The following SCGB2B2 variants were observed in gnomAD, a reference collection of about 807,000 sequenced individuals.
SCGB2B2 encodes the protein secretoglobin-like protein.
In SCGB2B2, 11 loss-of-function variants were observed where a neutral mutation model predicts 7.6. The ratio of observed to expected loss-of-function variants is 1.45; its 90% CI spans 0.91 to 2.40. The LOEUF (loss-of-function observed/expected upper bound fraction) is 2.40, where lower values mean the gene tolerates loss of function less well. Ranked by LOEUF, SCGB2B2 falls within the 30% of genes most tolerant of loss-of-function variation. The pLI is 0.00. For synonymous variants in SCGB2B2, 50 were observed against 48.6 expected, an observed-to-expected ratio of 1.03 and a Z score of -0.12; for missense variants, 104 against 115.4, an observed-to-expected ratio of 0.90 and a Z score of 0.45.
intron 1 of SCGB2B2, among the ~76,000 whole-genome samples, chr19:34,617,828 T>C (rs936576468): frequency 3.3e-5 from 5 of 152,232 alleles, no homozygotes; most frequent in East Asian, 3.8e-4. Context: ...GGGTTTGTCA[T>C]AGATAGCTCT....
intron 1 of SCGB2B2, among the ~76,000 whole-genome samples, chr19:34,618,154 T>TC (rs1168183966): frequency 1.3e-5 from 2 of 152,170 alleles, no homozygotes; most frequent in Non-Finnish European, 2.9e-5. Flanking sequence ...TCTTGGCTCC[T>TC]CCCCCGCATG....
intron 1 of SCGB2B2, among the ~76,000 whole-genome samples, chr19:34,616,041 G>C (rs1235231823): frequency 6.6e-6 from 1 of 151,158 alleles, no homozygotes; most frequent in Non-Finnish European, 1.5e-5. Context: ...TGGCTGCATA[G>C]TATTCCATGG....
At chr19:34,661,391 G>C (rs1319482711) in intron 1 of SCGB2B2, among the ~76,000 whole-genome samples, 1 of 152,118 alleles carries the variant, frequency 6.6e-6, no homozygotes, top group Non-Finnish European at 1.5e-5. Flanking sequence ...GTGTTATGGA[G>C]AGGAATATTC....
At chr19:34,659,264 AAC>A (rs1237082087) in intron 1 of SCGB2B2, among the ~76,000 whole-genome samples, 2 of 152,206 alleles carry the variant, frequency 1.3e-5, no homozygotes, top group East Asian at 3.8e-4. Context: ...ACTCCTATTC[AAC>A]ACAGTGTTGG....
At chr19:34,597,962 TGAGGGGGCA>T (rs1046750739) in intron 1 of SCGB2B2, among the ~76,000 whole-genome samples, 12 of 144,534 alleles carry the variant, frequency 8.3e-5, no homozygotes, top group Non-Finnish European at 1.4e-4. Flanking sequence ...GAGAATGGAG[TGAGGGGGCA>T]GAGGGGGCAG....
Position 34,592,662 on chromosome 19 carries a change from G to A in SCGB2B2, c.*893C>T, listed in dbSNP as rs1427249831. On this transcript the variant is annotated 3_prime_UTR_variant, in exon 4 of 4. Transcript: ENST00000601241. Reference sequence around the variant, plus strand: ...GAAGGCCACTGAGACCTCCATCGAGGATGAAATCAACTGAGGGGTGAGGTG... The same window carrying A: ...GAAGGCCACTGAGACCTCCATCGAGAATGAAATCAACTGAGGGGTGAGGTG... Among the ~76,000 whole-genome samples, 1 of 152,156 alleles carries A rather than the reference G, an allele frequency of 6.6e-6. No individual in the cohort carries two copies. Among genetic ancestry groups the A allele is most frequent in the Non-Finnish European group, 1.5e-5 (1 of 68,026 alleles).
intron 1 of SCGB2B2, among the ~76,000 whole-genome samples, chr19:34,634,432 G>A (rs2066619289): frequency 6.6e-6 from 1 of 152,188 alleles, no homozygotes; most frequent in African/African-American, 2.4e-5. Context: ...GCCTTGGGCA[G>A]GTTAGAAAGT....
intron 1 of SCGB2B2, among the ~76,000 whole-genome samples, chr19:34,638,888 T>G (rs1233676305): frequency 1.3e-5 from 2 of 152,166 alleles, no homozygotes; most frequent in Non-Finnish European, 2.9e-5. Flanking sequence ...CAAGTTCTTC[T>G]TCCCACCCAA....
intron 1 of SCGB2B2, among the ~76,000 whole-genome samples, chr19:34,650,975 C>G (rs2067148258): frequency 6.6e-6 from 1 of 151,304 alleles, no homozygotes; most frequent in South Asian, 2.1e-4. Context: ...AAGCAACACA[C>G]TACACCAACA....
chr19:34,619,431 G>A (rs2066180396), intron 1 of SCGB2B2, among the ~76,000 whole-genome samples: 1 of 152,104 alleles, frequency 6.6e-6, no homozygotes, highest in Non-Finnish European at 1.5e-5. Flanking sequence ...TTTTACTAAA[G>A]GCAACCTTCT....
intron 1 of SCGB2B2, among the ~76,000 whole-genome samples, chr19:34,600,798 G>A (rs61576654): frequency 6.8e-4 from 103 of 152,130 alleles, no homozygotes; most frequent in African/African-American, 2.5e-3. Context: ...GTTAGTTGTT[G>A]AAAATGTCTT....
chr19:34,617,407 TGTA>T (rs1210932786), intron 1 of SCGB2B2, among the ~76,000 whole-genome samples: 2 of 151,614 alleles, frequency 1.3e-5, no homozygotes, highest in Non-Finnish European at 2.9e-5. Flanking sequence ...TCACATCCCT[TGTA>T]AGTTGGATTC....
At chr19:34,602,723 G>A (rs2065663709) in intron 1 of SCGB2B2, among the ~76,000 whole-genome samples, 1 of 152,152 alleles carries the variant, frequency 6.6e-6, no homozygotes, top group Admixed American at 6.5e-5. Flanking sequence ...GCAGTTACTG[G>A]TCTCAGTTCA....
In SCGB2B2 at chr19:34,592,515, C is replaced by A. The variant is rs550263767; in HGVS notation, c.*1040G>T. On this transcript the variant is annotated 3_prime_UTR_variant, in exon 4 of 4. Transcript: ENST00000601241. ...GGGAGGGAGAGGGAGGAGTCTAGGG[C>A]GGTGTGAGCTGATAGGGGTAGGCGA... 1.3e-5 allele frequency among the ~76,000 whole-genome samples: 2 copies of A among 151,848 alleles called. No homozygotes were observed. Among genetic ancestry groups the A allele is most frequent in the Non-Finnish European group, 2.9e-5 (2 of 67,956 alleles).
downstream of SCGB2B2, among the ~76,000 whole-genome samples, chr19:34,586,288 T>C (rs188043051): frequency 2.7e-3 from 413 of 152,368 alleles, no homozygotes; most frequent in Non-Finnish European, 5.4e-3. Context: ...AATTGACATA[T>C]AACAAATATG....
At chr19:34,666,032 C>A (rs191352432) in intron 1 of SCGB2B2, among the ~76,000 whole-genome samples, 21 of 152,240 alleles carry the variant, frequency 1.4e-4, no homozygotes, top group Non-Finnish European at 2.4e-4. Flanking sequence ...CTCCTGGAGC[C>A]CACACCTTTC....
At chr19:34,669,400 T>C (rs929976058) in intron 1 of SCGB2B2, among the ~76,000 whole-genome samples, 2 of 152,230 alleles carry the variant, frequency 1.3e-5, no homozygotes, top group African/African-American at 4.8e-5. Flanking sequence ...AACAAACTCA[T>C]TTATCAAATG....
At chr19:34,649,444 T>C (rs2067106838) in intron 1 of SCGB2B2, among the ~76,000 whole-genome samples, 1 of 152,200 alleles carries the variant, frequency 6.6e-6, no homozygotes, top group Non-Finnish European at 1.5e-5. Flanking sequence ...GTGTAATGTG[T>C]AATTATTATT....
rs965044411 is a variant in SCGB2B2, at chr19:34,591,420, C to T, written c.*2135G>A. On this transcript the variant is annotated 3_prime_UTR_variant, in exon 4 of 4. Transcript: ENST00000601241. Reference sequence around the variant, plus strand: ...TCCCTCGTGTCTCTCCAGGGCTGCACTGTGACAAGGCCACGGTGTCTACCT... The same window carrying T: ...TCCCTCGTGTCTCTCCAGGGCTGCATTGTGACAAGGCCACGGTGTCTACCT... Among the ~76,000 whole-genome samples, 1 of 152,220 alleles carries T rather than the reference C, an allele frequency of 6.6e-6. No homozygotes were observed. The highest frequency in any genetic ancestry group is 1.5e-5 in the Non-Finnish European group (1 of 68,042).
Sources: allele counts gnomAD v4.1 joint callset (sites outside exome capture counted in the v4.1 genomes callset), GRCh38; gene constraint gnomAD v4.1.1; transcripts MANE v1.5; gene names NCBI Gene and HGNC (gene_info 2026-07-23, HGNC 2026-07-21).